The following FKTN variants were observed in gnomAD, a reference collection of about 807,000 sequenced individuals.
FKTN encodes fukutin, also known as ribitol-5-phosphate transferase FKTN.
A neutral mutation model predicts 58.6 loss-of-function variants in FKTN; 47 were observed. The observed-to-expected ratio is 0.80, with a 90% CI of 0.63 to 1.02. FKTN has a LOEUF of 1.02. Ranked by LOEUF, FKTN falls within the 50% of genes least tolerant of loss-of-function variation. FKTN has a pLI of 0.00. For synonymous variants in FKTN, 178 were observed against 191.9 expected (o/e 0.93, Z 0.60); for missense variants, 516 against 537.3 (o/e 0.96, Z 0.39).
chr9:105,578,789 C>T (rs886759659), intron 3 of FKTN, among the ~76,000 whole-genome samples: 8 of 151,548 alleles, frequency 5.3e-5, no homozygotes, highest in African/African-American at 1.9e-4. Flanking sequence ...GGCTGTGAAT[C>T]CATCTGGTCC....
intron 3 of FKTN, among the ~76,000 whole-genome samples, chr9:105,585,627 A>G (rs1843767969): frequency 6.6e-6 from 1 of 152,146 alleles, no homozygotes; most frequent in Admixed American, 6.5e-5. Flanking sequence ...ATGCATCCTC[A>G]GTTTTCTAAT....
At position 105,576,864 on chromosome 9, in the gene FKTN, C is replaced by G. The variant is rs1184325422; in HGVS notation, c.105+1727C>G. Among the ~76,000 whole-genome samples, 9 of 100,520 alleles carry G rather than the reference C, an allele frequency of 9.0e-5. No homozygotes were observed. In the East Asian group the frequency reaches 1.6e-3, roughly 18 times the overall value. The allele number at this position is 100,520 out of a possible 152,430, so 65.9% of individuals were successfully genotyped here. On this transcript the variant is annotated intron_variant, in intron 3 of 10. Transcript: ENST00000357998. The stretch of plus-strand genomic sequence containing the variant: ...GACTTTTTAATGATTGCCATTCTAA[C>G]TGGTGTGAGATGGTATCTCATTGTG...
rs1834102344 is a variant in FKTN at position 105,637,177 on chromosome 9, TTTGCTTG to T, written c.*1915_*1921del. On this transcript the variant is annotated 3_prime_UTR_variant, in exon 11 of 11. Coordinates refer to ENST00000357998, the MANE Select transcript of FKTN (RefSeq NM_001079802.2). ...AATCCACCCTACTTGATGAGGACCA[TTTGCTTG>T]TGCTCAGTATTTAGAAATGCATACA... 1.0e-6 allele frequency: 1 copy of T among 984,644 alleles called. No individual in the cohort carries two copies. Among genetic ancestry groups the T allele is most frequent in the Admixed American group, 6.0e-5 (1 of 16,676 alleles). The allele number at this position is 984,644 out of a possible 1,614,324, so 61.0% of individuals were successfully genotyped here.
intron 10 of FKTN, among the ~76,000 whole-genome samples, chr9:105,630,923 A>G (rs1208445235): frequency 6.6e-6 from 1 of 152,156 alleles, no homozygotes; most frequent in African/African-American, 2.4e-5. Context: ...CACTTGAGGC[A>G]GGAGGTCAAG....
intron 10 of FKTN, among the ~76,000 whole-genome samples, chr9:105,634,270 G>A (rs941901966): frequency 3.3e-5 from 5 of 151,732 alleles, no homozygotes; most frequent in East Asian, 3.9e-4. Flanking sequence ...TAGCTGGGAC[G>A]ACAGGAGTGT....
At chr9:105,613,295 A>G (rs1311891244) in intron 7 of FKTN, among the ~76,000 whole-genome samples, 1 of 152,206 alleles carries the variant, frequency 6.6e-6, no homozygotes, top group Non-Finnish European at 1.5e-5. Context: ...TGTATCTCTC[A>G]TTCCAGTCAT....
intron 6 of FKTN, among the ~76,000 whole-genome samples, chr9:105,604,700 A>G (rs1828544649): frequency 6.6e-6 from 1 of 152,166 alleles, no homozygotes; most frequent in Admixed American, 6.5e-5. Flanking sequence ...CATGCATGTA[A>G]TCCCAGCACT....
rs115242509 is a variant in FKTN, at chr9:105,569,599, G to T, written c.-180-4056G>T. ...CCTATAACCCATTCATGATTTAGTT[G>T]GTAAGCAGATCTGCCCATTTCTTTC... On this transcript the variant is annotated intron_variant, in intron 1 of 10. Transcript: ENST00000357998. 5.7e-3 allele frequency among the ~76,000 whole-genome samples: 870 copies of T among 152,206 alleles called. 10 individuals are homozygous for T. Among genetic ancestry groups the T allele is most frequent in the African/African-American group, 0.02 (842 of 41,534 alleles).
Position 105,638,873 on chromosome 9 carries a change from C to CA in FKTN, c.*3612dup. The CA allele has an allele frequency of 1.0e-6, 1 of 984,954 alleles. No homozygotes were observed. The highest frequency in any genetic ancestry group is 1.2e-6 in the Non-Finnish European group (1 of 829,584). The allele number at this position is 984,954 out of a possible 1,614,324, so 61.0% of individuals were successfully genotyped here. On this transcript the variant is annotated 3_prime_UTR_variant, in exon 11 of 11. Transcript: ENST00000357998. ...TTATTCTTACACGACTACAGTACTT[C>CA]AAATGGCACATAGATAGGCAGGATA...
intron 5 of FKTN, among the ~76,000 whole-genome samples, chr9:105,602,151 T>C (rs1588093811): frequency 3.3e-5 from 5 of 152,344 alleles, no homozygotes; most frequent in Admixed American, 3.3e-4. Context: ...TGTCTCTTCA[T>C]TGACATGACT....
intron 3 of FKTN, among the ~76,000 whole-genome samples, chr9:105,588,376 T>C (rs1238044605): frequency 1.3e-5 from 2 of 152,186 alleles, no homozygotes; most frequent in East Asian, 1.9e-4. Flanking sequence ...TTTTAACCAG[T>C]TGACTTTACA....
chr9:105,634,727 C>G (rs1833878967), intron 10 of FKTN, among the ~76,000 whole-genome samples: 1 of 152,198 alleles, frequency 6.6e-6, no homozygotes, highest in Non-Finnish European at 1.5e-5. Flanking sequence ...CTTCTTTCCT[C>G]TACAGTTCCA....
At chr9:105,569,320 T>C (rs966591647) in intron 1 of FKTN, among the ~76,000 whole-genome samples, 4 of 151,864 alleles carry the variant, frequency 2.6e-5, no homozygotes, top group Admixed American at 6.6e-5. Context: ...AAAAAGAATA[T>C]GCAGTGCTGC....
intron 10 of FKTN, among the ~76,000 whole-genome samples, chr9:105,633,734 G>A (rs1833755401): frequency 6.6e-6 from 1 of 152,170 alleles, no homozygotes; most frequent in East Asian, 1.9e-4. Context: ...AATTTGTTCA[G>A]CCTCTCCTTT....
rs531374232 is a variant in FKTN, at chr9:105,640,359, T to C, written c.*5095T>C. 1.9e-4 allele frequency: 84 copies of C among 438,688 alleles called. No homozygotes were observed. Among genetic ancestry groups the C allele is most frequent in the African/African-American group, 1.6e-3 (79 of 49,462 alleles). The allele number at this position is 438,688 out of a possible 1,614,324, so 27.2% of individuals were successfully genotyped here. A position where few individuals can be genotyped will look rare whatever the true frequency, so the allele number is the denominator to read the frequency against. ...TGAGGCCAGGAGTTCGAGACCAGCC[T>C]GGCCAACATAGTGAAACCCCGTCTC... On this transcript the variant is annotated 3_prime_UTR_variant, in exon 11 of 11. Transcript: ENST00000357998.
At chr9:105,624,918 CT>C (rs1382575737) in intron 10 of FKTN, among the ~76,000 whole-genome samples, 1 of 152,126 alleles carries the variant, frequency 6.6e-6, no homozygotes, top group African/African-American at 2.4e-5. Context: ...GTCATATAAC[CT>C]TCTGAGCTTC....
At chr9:105,570,243 G>T (rs1840510964) in intron 1 of FKTN, among the ~76,000 whole-genome samples, 1 of 152,012 alleles carries the variant, frequency 6.6e-6, no homozygotes, top group Non-Finnish European at 1.5e-5. Context: ...ATTGTGCAGT[G>T]TATTTTTAGT....
At chr9:105,625,371 G>A (rs1238484782) in intron 10 of FKTN, among the ~76,000 whole-genome samples, 1 of 152,216 alleles carries the variant, frequency 6.6e-6, no homozygotes, top group Non-Finnish European at 1.5e-5. Flanking sequence ...ATGTAAAGAT[G>A]ATATTTGGCA....
In FKTN at chr9:105,636,044, T is replaced by C. The variant is rs1260765647; in HGVS notation, c.*780T>C. 1 of 985,404 alleles carries C rather than the reference T, an allele frequency of 1.0e-6. No homozygotes were observed. The highest frequency in any genetic ancestry group is 1.2e-6 in the Non-Finnish European group (1 of 830,004). The allele number at this position is 985,404 out of a possible 1,614,324, so 61.0% of individuals were successfully genotyped here. Reference sequence around the variant, plus strand: ...TTGACAAATCATTCAAGTGAGACCATGTTACTAGACATGATCTTGAAAGAG... The same window carrying C: ...TTGACAAATCATTCAAGTGAGACCACGTTACTAGACATGATCTTGAAAGAG... On this transcript the variant is annotated 3_prime_UTR_variant, in exon 11 of 11. Coordinates refer to ENST00000357998, the MANE Select transcript of FKTN (RefSeq NM_001079802.2).
Sources: gnomAD v4.1 joint callset for allele counts (sites outside exome capture counted in the v4.1 genomes callset) on GRCh38, gnomAD v4.1.1 for gene constraint, MANE v1.5 for transcripts, NCBI Gene and HGNC (gene_info 2026-07-23, HGNC 2026-07-21) for gene names.